Variants in MACC1 observed in about 807,000 individuals in gnomAD.
The protein encoded by MACC1 is metastasis-associated in colon cancer protein 1.
Under a neutral mutation model 70.7 loss-of-function variants are expected in MACC1, and 79 were observed. That is an observed-to-expected ratio of 1.12 (90% CI 0.93 to 1.35). The LOEUF is 1.35. Among genes scored for constraint, MACC1 ranks in the 40% most tolerant of loss-of-function variants. The pLI, the probability that MACC1 is intolerant of heterozygous loss-of-function variation, is 0.00. For missense variants in MACC1, 1,106 were observed against 978.1 expected, an observed-to-expected ratio of 1.13 and a Z score of -1.74; for synonymous variants, 361 against 347.2, an observed-to-expected ratio of 1.04 and a Z score of -0.44.
chr7:20,199,187 A>G (rs1425211001), intron 1 of MACC1, among the ~76,000 whole-genome samples: 2 of 151,508 alleles, frequency 1.3e-5, no homozygotes, highest in African/African-American at 4.8e-5. Flanking sequence ...ATTTGCAGAT[A>G]AGAAATTGAG....
chr7:20,200,932 T>C (rs1027798934), intron 1 of MACC1, among the ~76,000 whole-genome samples: 7 of 152,208 alleles, frequency 4.6e-5, no homozygotes, highest in South Asian at 2.1e-4. Flanking sequence ...CAGAAAAGTA[T>C]CAACCTAAGC....
intron 1 of MACC1, among the ~76,000 whole-genome samples, chr7:20,184,283 TAAC>T (rs1782553179): frequency 6.6e-6 from 1 of 152,130 alleles, no homozygotes; most frequent in African/African-American, 2.4e-5. Flanking sequence ...ACCCCAAGAT[TAAC>T]AACATCTAAC....
intron 6 of MACC1, among the ~76,000 whole-genome samples, chr7:20,145,627 T>G (rs1335367769): frequency 6.6e-6 from 1 of 152,102 alleles, no homozygotes; most frequent in Non-Finnish European, 1.5e-5. Flanking sequence ...GAACTTAAGG[T>G]TAATGAGGCT....
rs1562585380 is a variant in MACC1, at chr7:20,158,776, A to G, written c.1585T>C (p.Ser529Pro). The G allele has an allele frequency of 6.2e-7, 1 of 1,613,988 alleles. No individual in the cohort carries two copies. The highest frequency in any genetic ancestry group is 8.5e-7 in the Non-Finnish European group (1 of 1,180,024). Reference protein sequence around the residue: ...GYLQKKEEIKSAPLSPKILVK... With the variant: ...GYLQKKEEIKPAPLSPKILVK... The stretch of plus-strand genomic sequence containing the variant: ...AGAATTTTTGGTGATAAAGGAGCAG[A>G]CTTGATTTCCTCCTTCTTCTGCAAA... The change falls in exon 5 of 7, where the codon TCT (serine) becomes CCT (proline). Residue 529 changes from serine to proline, a missense_variant. Transcript: ENST00000400331.
At chr7:20,157,416 A>G (rs1465012837) in intron 5 of MACC1, among the ~76,000 whole-genome samples, 1 of 152,026 alleles carries the variant, frequency 6.6e-6, no homozygotes, top group Non-Finnish European at 1.5e-5. Flanking sequence ...AGAATTACTA[A>G]TATTATTGTT....
chr7:20,165,485 C>G (rs551504932), intron 2 of MACC1, among the ~76,000 whole-genome samples: 69 of 151,750 alleles, frequency 4.5e-4, no homozygotes, highest in Non-Finnish European at 7.8e-4. Context: ...CCTCACAGTA[C>G]CATCCTAAAT....
At position 20,179,188 on chromosome 7, in the gene MACC1, A is replaced by G. The variant is rs139224928; in HGVS notation, c.-217-8410T>C. 7.3e-3 allele frequency among the ~76,000 whole-genome samples: 1,112 copies of G among 152,104 alleles called. 18 individuals carry two copies. The highest frequency in any genetic ancestry group is 0.024 in the African/African-American group (1,007 of 41,494). On this transcript the variant is annotated intron_variant, in intron 1 of 6. Transcript: ENST00000400331. Reference sequence around the variant, plus strand: ...ACATTTGTCAATGCTAAATATTCTCATCAGTGCTTTTTCTTTTCCATTTGT... The same window carrying G: ...ACATTTGTCAATGCTAAATATTCTCGTCAGTGCTTTTTCTTTTCCATTTGT...
Position 20,160,135 on chromosome 7 carries a change from G to T in MACC1, c.226C>A (p.Pro76Thr), listed in dbSNP as rs1217446680. ...AGTTGAGTTATGTCATCCAAAAATG[G>T]GTTAGAAGCAGACAGTTGATTCCAG... ...PFWNQLSASNPFLDDITQLRN... is the reference protein window; with the variant it reads ...PFWNQLSASNTFLDDITQLRN... The change falls in exon 5 of 7, where the codon CCA becomes ACA. Residue 76 changes from proline to threonine, a missense_variant. Coordinates refer to ENST00000400331, the MANE Select transcript of MACC1 (RefSeq NM_182762.4). 8.7e-6 allele frequency: 14 copies of T among 1,613,176 alleles called. No individual in the cohort carries two copies. The highest frequency in any genetic ancestry group is 1.2e-5 in the Non-Finnish European group (14 of 1,179,804).
chr7:20,173,788 C>T (rs549706215), intron 1 of MACC1, among the ~76,000 whole-genome samples: 25 of 152,228 alleles, frequency 1.6e-4, no homozygotes, highest in African/African-American at 5.8e-4. Flanking sequence ...TGCCATGAAC[C>T]TGTTTTAGTA....
chr7:20,163,703 A>T (rs1038808835), intron 3 of MACC1, among the ~76,000 whole-genome samples: 10 of 152,194 alleles, frequency 6.6e-5, no homozygotes, highest in African/African-American at 2.4e-4. Context: ...AACATTGAAA[A>T]ACAGGTATTA....
rs143947234 is a variant in MACC1 at position 20,159,792 on chromosome 7, C to T, written c.569G>A (p.Arg190His). 29 of 1,613,944 alleles carry T rather than the reference C, an allele frequency of 1.8e-5. No homozygotes were observed. The African/African-American group carries it at 2.3e-4, about 13-fold the overall frequency. Residue 190 changes from arginine to histidine, a missense_variant, in exon 5 of 7, where the codon CGC (arginine) becomes CAC (histidine). Transcript: ENST00000400331. ...AATTGTATTCAAATCAAGGCAGGAG[C>T]GGGCCAGCTGGCGTTGACTTAACCA... ...MAWLSQRQLA[R>H]SCLDLNTISQ...
chr7:20,160,248 T>C lies in MACC1; in HGVS notation c.116-3A>G. On this transcript the variant is annotated splice_region_variant and splice_polypyrimidine_tract_variant and intron_variant, in intron 4 of 6. Coordinates refer to ENST00000400331, the MANE Select transcript of MACC1 (RefSeq NM_182762.4). ...AAGCAAGTCTGGGTCCTGGCATTCT[T>C]GTTATTTAAGGAAAGACAAAGCAAA... 1 of 1,539,742 alleles carries C rather than the reference T, an allele frequency of 6.5e-7. No homozygotes were observed. The highest frequency in any genetic ancestry group is 8.7e-7 in the Non-Finnish European group (1 of 1,150,442).
intron 1 of MACC1, among the ~76,000 whole-genome samples, chr7:20,212,460 G>C (rs1007493483): frequency 5.3e-5 from 8 of 152,284 alleles, no homozygotes; most frequent in Admixed American, 2.6e-4. Context: ...TGGGAGGAAA[G>C]AGTCAGCATG....
chr7:20,199,353 T>C (rs2128108033), intron 1 of MACC1, among the ~76,000 whole-genome samples: 1 of 152,372 alleles, frequency 6.6e-6, no homozygotes, highest in Admixed American at 6.5e-5. Context: ...AAGTAAGCAT[T>C]GTCCTAGCCA....
At chr7:20,214,381 C>A (rs145252699) in intron 1 of MACC1, among the ~76,000 whole-genome samples, 49 of 152,194 alleles carry the variant, frequency 3.2e-4, no homozygotes, top group Non-Finnish European at 5.3e-4. Context: ...GCTTGATATT[C>A]CCCCTACTTC....
At chr7:20,180,976 A>G (rs1245801178) in intron 1 of MACC1, among the ~76,000 whole-genome samples, 1 of 152,202 alleles carries the variant, frequency 6.6e-6, no homozygotes, top group Non-Finnish European at 1.5e-5. Context: ...GAATATAACT[A>G]CAGATTCTAA....
intron 1 of MACC1, among the ~76,000 whole-genome samples, chr7:20,199,923 C>T (rs1054996063): frequency 2.6e-5 from 4 of 152,008 alleles, no homozygotes; most frequent in East Asian, 1.9e-4. Flanking sequence ...TAAAGGAAAA[C>T]GACCTTGCAA....
intron 2 of MACC1, chr7:20,170,138 CTT>C (rs1324346114): frequency 6.6e-6 from 1 of 152,204 alleles, no homozygotes; most frequent in African/African-American, 2.4e-5. Context: ...AGAACGCAGT[CTT>C]TGAAAATAGA....
rs1191875830 is a variant in MACC1, at chr7:20,158,381, T to A, written c.1980A>T (p.Lys660Asn). ...YSVVLTLVSE[K>N]VYDWKVLADV... is the part of the protein sequence containing the mutation. ...CAGCTAAAACTTTCCAATCATAAAC[T>A]TTTTCTGACACCAAGGTTAATACAA... The change falls in exon 5 of 7, where the codon AAA becomes AAT. Residue 660 changes from lysine to asparagine, a missense_variant. By Grantham distance (94) the Lys-to-Asn change is moderately conservative (BLOSUM62 0). Coordinates refer to ENST00000400331, the MANE Select transcript of MACC1 (RefSeq NM_182762.4). 2 of 1,613,674 alleles carry A rather than the reference T, an allele frequency of 1.2e-6. No individual in the cohort carries two copies. Among genetic ancestry groups the A allele is most frequent in the Admixed American group, 1.7e-5 (1 of 59,910 alleles).
Sources: allele counts gnomAD v4.1 joint callset (sites outside exome capture counted in the v4.1 genomes callset), GRCh38; gene constraint gnomAD v4.1.1; transcripts MANE v1.5; gene names NCBI Gene and HGNC (gene_info 2026-07-23, HGNC 2026-07-21).